Variants in TCF7L1 observed in about 807,000 individuals in gnomAD.
TCF7L1 encodes the protein transcription factor 7-like 1.
A neutral mutation model predicts 63.7 loss-of-function variants in TCF7L1; 18 were observed. The observed-to-expected ratio is 0.28, with a 90% CI of 0.20 to 0.42. TCF7L1 has a LOEUF of 0.42. TCF7L1 is among the 10% of genes least tolerant of loss of function. The pLI is 1.00. For missense variants in TCF7L1, 654 were observed against 779.3 expected (o/e 0.84, Z 1.91); for synonymous variants, 355 against 340.9 (o/e 1.04, Z -0.46).
rs375580883 is a variant in TCF7L1, at chr2:85,134,445, C to T, written c.436C>T (p.Arg146Cys). The T allele has an allele frequency of 1.2e-5, 18 of 1,554,352 alleles. No homozygotes were observed. Among genetic ancestry groups the T allele is most frequent in the Non-Finnish European group, 1.4e-5 (16 of 1,149,012 alleles). ...CGGACCCCTGTCTCCCGGAGGAGCG[C>T]GCACCGTGAGTGCCCGTCGGGCGCG... Reference protein sequence around the residue: ...SNGPLSPGGARTYLQMKWPLL... With the variant: ...SNGPLSPGGACTYLQMKWPLL... The change falls in exon 3 of 12, where the codon CGC (arginine) becomes TGC (cysteine). Residue 146 changes from arginine (R) to cysteine (C), a missense_variant. This residue lies in a region of TCF7L1 where 404 missense variants were observed against 454.8 expected (regional missense o/e 0.89). Coordinates refer to ENST00000282111, the MANE Select transcript of TCF7L1 (RefSeq NM_031283.3). This position sits in a 1 kb window ranked among gnomAD's most constrained non-coding sequence, Gnocchi z 5.0.
chr2:85,241,458 T>G (rs997703517), intron 3 of TCF7L1, among the ~76,000 whole-genome samples: 3 of 142,486 alleles, frequency 2.1e-5, no homozygotes, highest in African/African-American at 7.9e-5. Flanking sequence ...TTTTTTTTTT[T>G]TTTTTTTGAG....
chr2:85,302,909 C>T (rs1682017756), intron 5 of TCF7L1, among the ~76,000 whole-genome samples: 1 of 152,216 alleles, frequency 6.6e-6, no homozygotes, highest in Non-Finnish European at 1.5e-5. Context: ...AAGTCTAGCC[C>T]AGCTGTGGGC....
rs756524810 is a variant in TCF7L1 at position 85,304,327 on chromosome 2, C to T, written c.834C>T (p.Ala278=). 4.9e-5 allele frequency: 79 copies of T among 1,614,088 alleles called. No homozygotes were observed. Among genetic ancestry groups the T allele is most frequent in the Admixed American group, 1.2e-4 (7 of 60,018 alleles). ...CTTACCCCGCCCTCGCCATGAACGC[C>T]TCGATGTCCAGGTGAGTCCCGGGGC... ...RHPYPALAMN[A]SMSSLVSSRF... The change falls in exon 7 of 12, where the codon GCC becomes GCT. Residue 278 remains alanine (A), a synonymous_variant. Transcript: ENST00000282111.
chr2:85,240,395 A>C (rs1573005452), intron 3 of TCF7L1, among the ~76,000 whole-genome samples: 1 of 152,230 alleles, frequency 6.6e-6, no homozygotes, highest in Non-Finnish European at 1.5e-5. Context: ...GAGAGGAGTC[A>C]AAGGGCTGAT....
At chr2:85,245,527 A>G (rs1392563482) in intron 3 of TCF7L1, among the ~76,000 whole-genome samples, 2 of 151,900 alleles carry the variant, frequency 1.3e-5, no homozygotes, top group African/African-American at 4.8e-5. Flanking sequence ...TTTAAAACAG[A>G]CCGGGCCAGG....
intron 3 of TCF7L1, among the ~76,000 whole-genome samples, chr2:85,258,159 C>T (rs142247896): frequency 5.3e-4 from 81 of 152,274 alleles, no homozygotes; most frequent in African/African-American, 1.4e-3. Context: ...CAAAACCACA[C>T]GACACAGTGT....
intron 3 of TCF7L1, among the ~76,000 whole-genome samples, chr2:85,143,293 A>G (rs564985670): frequency 6.6e-6 from 1 of 152,376 alleles, no homozygotes; most frequent in East Asian, 1.9e-4. Flanking sequence ...ATGTGAAACT[A>G]TGTTTAACTT....
chr2:85,229,825 T>G (rs61178996), intron 3 of TCF7L1, among the ~76,000 whole-genome samples: 1 of 152,242 alleles, frequency 6.6e-6, no homozygotes, highest in African/African-American at 2.4e-5. Flanking sequence ...CTGGCCAACA[T>G]GGGAAAACCT....
chr2:85,172,487 C>A (rs943344130), intron 3 of TCF7L1, among the ~76,000 whole-genome samples: 1 of 152,178 alleles, frequency 6.6e-6, no homozygotes, highest in African/African-American at 2.4e-5. Flanking sequence ...AGTGCAGTGG[C>A]GCGATCTCGG....
intron 3 of TCF7L1, among the ~76,000 whole-genome samples, chr2:85,195,073 G>T (rs1218323077): frequency 6.6e-6 from 1 of 152,244 alleles, no homozygotes; most frequent in Admixed American, 6.5e-5. Flanking sequence ...TAGTGGCTGG[G>T]ACTGTGGGCT....
chr2:85,149,085 A>AT (rs899454947), intron 3 of TCF7L1, among the ~76,000 whole-genome samples: 9 of 151,878 alleles, frequency 5.9e-5, no homozygotes, highest in Non-Finnish European at 1.2e-4. Context: ...AGCCCTTAAA[A>AT]TTTTTTTTAT....
At chr2:85,137,906 A>AG (rs578116416) in intron 3 of TCF7L1, among the ~76,000 whole-genome samples, 246 of 151,774 alleles carry the variant, frequency 1.6e-3, no homozygotes, top group African/African-American at 5.7e-3. Context: ...AAAAAAAAAA[A>AG]AAAGAAAGAA....
At chr2:85,226,932 A>G (rs1219719999) in intron 3 of TCF7L1, among the ~76,000 whole-genome samples, 1 of 151,694 alleles carries the variant, frequency 6.6e-6, no homozygotes, top group Non-Finnish European at 1.5e-5. Flanking sequence ...TCTTGCTTCT[A>G]AGACAGCGAG....
At chr2:85,272,703 G>A (rs2104357833) in intron 3 of TCF7L1, among the ~76,000 whole-genome samples, 1 of 152,270 alleles carries the variant, frequency 6.6e-6, no homozygotes, top group Non-Finnish European at 1.5e-5. Flanking sequence ...GCTGATGTGG[G>A]AGGATTGCTT....
chr2:85,220,832 A>C (rs2104300639), intron 3 of TCF7L1, among the ~76,000 whole-genome samples: 1 of 152,368 alleles, frequency 6.6e-6, no homozygotes, highest in East Asian at 1.9e-4. Flanking sequence ...AGCTCTATCC[A>C]CTGGAAAAGA....
chr2:85,169,475 C>T (rs933163168), intron 3 of TCF7L1, among the ~76,000 whole-genome samples: 1 of 151,960 alleles, frequency 6.6e-6, no homozygotes, highest in Non-Finnish European at 1.5e-5. Flanking sequence ...ATCCTCCCAC[C>T]TCAGCCTCCC....
chr2:85,231,687 C>T (rs1196406362), intron 3 of TCF7L1, among the ~76,000 whole-genome samples: 1 of 152,164 alleles, frequency 6.6e-6, no homozygotes, highest in Non-Finnish European at 1.5e-5. Flanking sequence ...AAAATCGACT[C>T]CCCCAAAAGT....
intron 3 of TCF7L1, chr2:85,167,188 G>C (rs1339930543): frequency 6.6e-6 from 1 of 152,598 alleles, no homozygotes; most frequent in Non-Finnish European, 1.5e-5. Context: ...ACACCTGCAA[G>C]TATCATTCTC....
chr2:85,271,460 C>T (rs915163303), intron 3 of TCF7L1, among the ~76,000 whole-genome samples: 1 of 152,182 alleles, frequency 6.6e-6, no homozygotes, highest in Non-Finnish European at 1.5e-5. Context: ...TTACCTATAT[C>T]CAGGAGTCAG....
Sources: gnomAD v4.1 joint callset for allele counts (sites outside exome capture counted in the v4.1 genomes callset) on GRCh38, gnomAD v4.1.1 for gene constraint, gnomAD v4.1.1 regional missense constraint, Gnocchi (gnomAD v3.1) non-coding constraint, MANE v1.5 for transcripts, NCBI Gene and HGNC (gene_info 2026-07-23, HGNC 2026-07-21) for gene names.